Variants in CYP4F11 observed in about 807,000 individuals in gnomAD.
The protein encoded by CYP4F11 is cytochrome P450 4F11.
Under a neutral mutation model 62.2 loss-of-function variants are expected in CYP4F11, and 79 were observed. That is an observed-to-expected ratio of 1.27 (90% CI 1.06 to 1.53). CYP4F11 has a LOEUF of 1.53. Among genes scored for constraint, CYP4F11 ranks in the 40% most tolerant of loss-of-function variants. CYP4F11 has a pLI of 0.00. For synonymous variants in CYP4F11, 290 were observed against 263.7 expected, an observed-to-expected ratio of 1.10 and a Z score of -0.97; for missense variants, 777 against 680.5, an observed-to-expected ratio of 1.14 and a Z score of -1.58.
chr19:15,913,755 G>T lies in CYP4F11; in HGVS notation c.1552C>A (p.Pro518Thr), dbSNP rs754732380. ...AGTCACTGTGAGTTCGCACCCAGGG[G>T]CTCCACCCGCAGCCAAAGTCCACCC... ...AEGGLWLRVE[P>T]LGANSQ is the part of the protein sequence containing the mutation. The change falls in exon 12 of 12, where the codon CCC (proline) becomes ACC (threonine). Residue 518 changes from proline (P) to threonine (T), a missense_variant. Transcript: ENST00000402119. The T allele has an allele frequency of 2.5e-6, 4 of 1,614,176 alleles. No individual in the cohort carries two copies. The highest frequency in any genetic ancestry group is 3.4e-6 in the Non-Finnish European group (4 of 1,180,024).
At chr19:15,934,156 C>G in intron 1 of CYP4F11, 55 bp downstream of exon 1, 1 of 1,581,990 alleles carries the variant, frequency 6.3e-7, no homozygotes, top group Non-Finnish European at 8.7e-7. Context: ...CATTCCTGCC[C>G]CTCAGGAACT....
In CYP4F11 at chr19:15,912,680, A is replaced by AAAAAAAAAAAC. The variant is rs59091525; in HGVS notation, c.*1051_*1052insGTTTTTTTTTT. 1.5e-5 allele frequency: 1 copy of AAAAAAAAAAAC among 66,174 alleles called. No individual in the cohort carries two copies. Among genetic ancestry groups the AAAAAAAAAAAC allele is most frequent in the Non-Finnish European group, 2.8e-5 (1 of 36,174 alleles). 4.1% of individuals were successfully genotyped at this position (66,174 alleles called of 1,614,324 possible). On this transcript the variant is annotated 3_prime_UTR_variant, in exon 12 of 12. Coordinates refer to ENST00000402119, the MANE Select transcript of CYP4F11 (RefSeq NM_021187.4). ...TCACCATCCTCAGGAAAAAAAAAAA[A>AAAAAAAAAAAC]ATATATATATATATATATGTGTGTG... is the stretch of plus-strand genomic sequence containing the variant.
intron 8 of CYP4F11, among the ~76,000 whole-genome samples, chr19:15,920,609 A>G (rs928922578): frequency 7.2e-5 from 11 of 152,318 alleles, no homozygotes; most frequent in African/African-American, 2.6e-4. Context: ...AGGCCTGTCC[A>G]GCTCAATGTC....
Position 15,927,346 on chromosome 19 carries a change from G to T in CYP4F11, c.398-7C>A. 6.2e-7 allele frequency: 1 copy of T among 1,614,028 alleles called. No homozygotes were observed. Among genetic ancestry groups the T allele is most frequent in the Non-Finnish European group, 8.5e-7 (1 of 1,179,946 alleles). ...CTCAGCAGGAGCCCATCCCCTGGCA[G>T]GGCAACCAAGGACAGTGGTCAAGGG... On this transcript the variant is annotated splice_polypyrimidine_tract_variant and splice_region_variant and intron_variant, in intron 3 of 11. Coordinates refer to ENST00000402119, the MANE Select transcript of CYP4F11 (RefSeq NM_021187.4).
intron 6 of CYP4F11, among the ~76,000 whole-genome samples, chr19:15,923,238 C>CCTCTCTCTCTCT (rs3056063): frequency 0.013 from 1,408 of 110,378 alleles, 16 homozygotes; most frequent in African/African-American, 0.019. Context: ...AAGCAAACAT[C>CCTCTCTCTCTCT]CTCTCTCTCT....
At chr19:15,930,635 G>C (rs2089705936) in intron 1 of CYP4F11, among the ~76,000 whole-genome samples, 1 of 152,124 alleles carries the variant, frequency 6.6e-6, no homozygotes, top group Non-Finnish European at 1.5e-5. Flanking sequence ...AAATACCAAA[G>C]CAGAGGGAGA....
At chr19:15,929,079 C>T (rs2089690881) in intron 2 of CYP4F11, among the ~76,000 whole-genome samples, 1 of 152,204 alleles carries the variant, frequency 6.6e-6, no homozygotes, top group Admixed American at 6.5e-5. Context: ...TCCAATCTGC[C>T]CCCAGGAAAG....
chr19:15,926,391 A>G (rs1271619522), intron 4 of CYP4F11, among the ~76,000 whole-genome samples: 1 of 152,228 alleles, frequency 6.6e-6, no homozygotes, highest in East Asian at 1.9e-4. Context: ...TCCATGAAGT[A>G]TTAACAAAAC....
chr19:15,916,075 T>C (rs904740278), intron 8 of CYP4F11, among the ~76,000 whole-genome samples: 4 of 152,116 alleles, frequency 2.6e-5, no homozygotes, highest in Admixed American at 2.6e-4. Flanking sequence ...AACATGCATA[T>C]GATATCTAGG....
intron 8 of CYP4F11, among the ~76,000 whole-genome samples, chr19:15,919,044 A>G (rs1158179981): frequency 1.3e-5 from 2 of 150,534 alleles, no homozygotes; most frequent in Non-Finnish European, 3.0e-5. Flanking sequence ...TATATATGAA[A>G]TACATATTTC....
At chr19:15,925,690 GTA>G (rs764452899) in intron 4 of CYP4F11, among the ~76,000 whole-genome samples, 13 of 145,164 alleles carry the variant, frequency 9.0e-5, no homozygotes, top group East Asian at 2.0e-4. Flanking sequence ...ATGTGTGTGT[GTA>G]TATATATATA....
chr19:15,916,714 C>T (rs2089585821), intron 8 of CYP4F11, among the ~76,000 whole-genome samples: 1 of 152,024 alleles, frequency 6.6e-6, no homozygotes, highest in Non-Finnish European at 1.5e-5. Flanking sequence ...AAATTAAAAC[C>T]ACAGTGAGAT....
intron 2 of CYP4F11, among the ~76,000 whole-genome samples, chr19:15,928,589 A>G (rs965804828): frequency 6.6e-6 from 1 of 152,174 alleles, no homozygotes; most frequent in African/African-American, 2.4e-5. Flanking sequence ...CATGAGTCTG[A>G]GTTTCCATCA....
chr19:15,920,638 C>T (rs2089618720), intron 8 of CYP4F11, among the ~76,000 whole-genome samples: 1 of 152,168 alleles, frequency 6.6e-6, no homozygotes, highest in Non-Finnish European at 1.5e-5. Flanking sequence ...ATCCCCAGCT[C>T]CTGGCCTGGC....
At chr19:15,929,350 A>G in intron 2 of CYP4F11, 107 bp downstream of exon 2, 1 of 1,421,368 alleles carries the variant, frequency 7.0e-7, no homozygotes, top group Non-Finnish European at 9.8e-7. Flanking sequence ...AGAAGCAGGA[A>G]GAGGGGCCTG....
intron 6 of CYP4F11, among the ~76,000 whole-genome samples, chr19:15,923,336 A>G (rs748591497): frequency 1.4e-5 from 2 of 147,270 alleles, no homozygotes; most frequent in East Asian, 2.0e-4. Flanking sequence ...CTAGCTAGCT[A>G]TCCTATATAA....
upstream of CYP4F11, chr19:15,934,651 G>A (rs549423123): frequency 6.6e-5 from 30 of 452,614 alleles, no homozygotes; most frequent in African/African-American, 6.0e-4. Flanking sequence ...AATCCAAAAA[G>A]GCCCAGCCTG....
In CYP4F11 at chr19:15,914,389, T is replaced by A; in HGVS notation, c.1315-2A>T. ...GTCGAAACGGAAGGGGTCGTAGACC[T>A]GCAGGTGAGACCAAGAAGGCTTGCT... On this transcript the variant is annotated splice_acceptor_variant, in intron 10 of 11. Transcript: ENST00000402119. LOFTEE classifies it high-confidence loss of function. 1 of 1,613,440 alleles carries A rather than the reference T, an allele frequency of 6.2e-7. No homozygotes were observed. Among genetic ancestry groups the A allele is most frequent in the Non-Finnish European group, 8.5e-7 (1 of 1,179,586 alleles).
chr19:15,913,566 G>C lies in CYP4F11; in HGVS notation c.*166C>G. ...TGTGCTCAGCCAGAGAGGCCGTCAG[G>C]GTTTTGGGTTCAGAGACGTCACCCT... is the stretch of plus-strand genomic sequence containing the variant. On this transcript the variant is annotated 3_prime_UTR_variant, in exon 12 of 12. Transcript: ENST00000402119. 1 of 815,870 alleles carries C rather than the reference G, an allele frequency of 1.2e-6. No homozygotes were observed. Among genetic ancestry groups the C allele is most frequent in the Non-Finnish European group, 1.9e-6 (1 of 522,454 alleles). 50.5% of individuals were successfully genotyped at this position (815,870 alleles called of 1,614,324 possible).
Sources: allele counts gnomAD v4.1 joint callset (sites outside exome capture counted in the v4.1 genomes callset), GRCh38; gene constraint gnomAD v4.1.1; transcripts MANE v1.5; gene names NCBI Gene and HGNC (gene_info 2026-07-23, HGNC 2026-07-21).